Variants in LIPI observed in about 807,000 individuals in gnomAD.
The protein encoded by LIPI is lipase I.
In LIPI, 59 loss-of-function variants were observed where a neutral mutation model predicts 50.6. That is an observed-to-expected ratio of 1.16 (90% confidence interval 0.94 to 1.45). The LOEUF (loss-of-function observed/expected upper bound fraction) is 1.45. Ranked by LOEUF, LIPI falls within the 40% of genes most tolerant of loss-of-function variation. The pLI, the probability that LIPI is intolerant of heterozygous loss-of-function variation, is 0.00. For missense variants in LIPI, 586 were observed against 536.3 expected (o/e 1.09, Z -0.92); for synonymous variants, 203 against 178.2 (o/e 1.14, Z -1.11).
rs757696384 is a variant in LIPI, at chr21:14,165,381, A to G, written c.743T>C (p.Phe248Ser). ...CPKSIFSGIQ[F>S]IKCNHQRAVH... ...TGCTCTCTGGTGGTTGCATTTAATG[A>G]ATTGAATTCCTTAAGGGTTAAAAAA... Residue 248 changes from phenylalanine to serine, a missense_variant, in exon 6 of 10, where the codon TTC (phenylalanine) becomes TCC (serine). Coordinates refer to ENST00000681601, the MANE Select transcript of LIPI (RefSeq NM_001302998.2). 1 of 1,610,420 alleles carries G rather than the reference A, an allele frequency of 6.2e-7. No individual in the cohort carries two copies. Among genetic ancestry groups the G allele is most frequent in the Non-Finnish European group, 8.5e-7 (1 of 1,177,172 alleles).
chr21:14,197,248 G>C (rs1457649126), intron 1 of LIPI, among the ~76,000 whole-genome samples: 1 of 151,776 alleles, frequency 6.6e-6, no homozygotes, highest in Admixed American at 6.6e-5. Flanking sequence ...TCATACTAAT[G>C]ATAAAACACT....
chr21:14,110,496 T>A (rs547398318), intron 9 of LIPI, among the ~76,000 whole-genome samples: 3 of 152,050 alleles, frequency 2.0e-5, no homozygotes, highest in African/African-American at 7.2e-5. Context: ...GCATTCAACA[T>A]CTACTCTGCA....
At chr21:14,144,580 G>C (rs2017832603) in intron 9 of LIPI, 43 bp downstream of exon 9, 2 of 1,105,640 alleles carry the variant, frequency 1.8e-6, no homozygotes, top group Non-Finnish European at 2.7e-6. Flanking sequence ...ATATTTTCAA[G>C]TTTAAAAGAT....
intron 8 of LIPI, among the ~76,000 whole-genome samples, chr21:14,151,145 AT>A (rs1250695363): frequency 2.0e-5 from 3 of 152,108 alleles, no homozygotes; most frequent in African/African-American, 7.2e-5. Flanking sequence ...TGAACTTATC[AT>A]TATTTTCTTT....
At chr21:14,176,269 T>G (rs1283527554) in intron 4 of LIPI, among the ~76,000 whole-genome samples, 2 of 152,136 alleles carry the variant, frequency 1.3e-5, no homozygotes, top group East Asian at 3.9e-4. Context: ...TTTGGCTTTT[T>G]AAATCATCTG....
chr21:14,150,389 C>T (rs572466020), intron 8 of LIPI, among the ~76,000 whole-genome samples: 1 of 152,266 alleles, frequency 6.6e-6, no homozygotes, highest in South Asian at 2.1e-4. Flanking sequence ...TCAAATACTT[C>T]CTTGATTCTT....
intron 7 of LIPI, among the ~76,000 whole-genome samples, chr21:14,158,975 T>C (rs995005357): frequency 4.0e-5 from 6 of 151,478 alleles, no homozygotes; most frequent in African/African-American, 1.5e-4. Flanking sequence ...AATTATTAAA[T>C]AAATTAAATT....
At chr21:14,128,028 A>T (rs1314236778) in intron 9 of LIPI, among the ~76,000 whole-genome samples, 9 of 152,100 alleles carry the variant, frequency 5.9e-5, no homozygotes, top group Non-Finnish European at 1.2e-4. Flanking sequence ...CTTACAACCC[A>T]GTTCATGATA....
intron 9 of LIPI, among the ~76,000 whole-genome samples, chr21:14,116,767 C>T (rs1336805400): frequency 6.6e-6 from 1 of 152,092 alleles, no homozygotes; most frequent in Non-Finnish European, 1.5e-5. Context: ...TGGCTACAGG[C>T]CTGCTTTGAA....
intron 9 of LIPI, 35 bp downstream of exon 9, chr21:14,144,588 G>T: frequency 1.7e-6 from 2 of 1,174,154 alleles, no homozygotes; most frequent in Non-Finnish European, 2.5e-6. Context: ...AAGTTTAAAA[G>T]ATAACATGTT....
At chr21:14,177,027 A>G (rs1348857913) in intron 4 of LIPI, among the ~76,000 whole-genome samples, 1 of 152,128 alleles carries the variant, frequency 6.6e-6, no homozygotes, top group African/African-American at 2.4e-5. Flanking sequence ...AATGTTCTAT[A>G]AATGTCTATT....
intron 4 of LIPI, among the ~76,000 whole-genome samples, chr21:14,175,922 T>C (rs2019077258): frequency 6.6e-6 from 1 of 152,164 alleles, no homozygotes; most frequent in Non-Finnish European, 1.5e-5. Context: ...CTCAAGTCTG[T>C]AATCCCAGCA....
At chr21:14,149,225 G>A (rs1272735846) in intron 8 of LIPI, among the ~76,000 whole-genome samples, 1 of 152,160 alleles carries the variant, frequency 6.6e-6, no homozygotes, top group Non-Finnish European at 1.5e-5. Context: ...ATGGTGGCAG[G>A]AGAGAGAAGA....
At chr21:14,184,389 A>T (rs2019382152) in intron 3 of LIPI, among the ~76,000 whole-genome samples, 1 of 152,176 alleles carries the variant, frequency 6.6e-6, no homozygotes, top group South Asian at 2.1e-4. Flanking sequence ...TGATGAGTTA[A>T]TGGGTGCAGC....
intron 9 of LIPI, among the ~76,000 whole-genome samples, chr21:14,139,372 A>G (rs1434454215): frequency 3.3e-5 from 5 of 152,158 alleles, no homozygotes; most frequent in Non-Finnish European, 5.9e-5. Flanking sequence ...TATGTCTCAT[A>G]GCCTTCAATT....
chr21:14,201,332 G>A (rs149707255), intron 1 of LIPI, among the ~76,000 whole-genome samples: 106 of 152,132 alleles, frequency 7.0e-4, no homozygotes, highest in African/African-American at 2.5e-3. Flanking sequence ...CCTACAGAAT[G>A]GGAGAAAATT....
chr21:14,129,812 A>T (rs202040640), intron 9 of LIPI, among the ~76,000 whole-genome samples: 40,581 of 127,656 alleles, frequency 0.32, 5,715 homozygotes, highest in East Asian at 0.48. Context: ...TTTTTTTTAA[A>T]AAAAAAAAAA....
At chr21:14,171,273 G>T (rs974700653) in intron 4 of LIPI, among the ~76,000 whole-genome samples, 2 of 146,710 alleles carry the variant, frequency 1.4e-5, no homozygotes, top group Admixed American at 1.4e-4. Flanking sequence ...TCAATATCGT[G>T]AAAATGGCCA....
At chr21:14,147,631 T>C (rs568311270) in intron 8 of LIPI, among the ~76,000 whole-genome samples, 1 of 152,342 alleles carries the variant, frequency 6.6e-6, no homozygotes, top group Admixed American at 6.5e-5. Context: ...TCCGGGTCTA[T>C]AGAAGAACTC....
Sources: allele counts gnomAD v4.1 joint callset (sites outside exome capture counted in the v4.1 genomes callset), GRCh38; gene constraint gnomAD v4.1.1; transcripts MANE v1.5; gene names NCBI Gene and HGNC (gene_info 2026-07-23, HGNC 2026-07-21).